NEURL1: variants seen among roughly 807,000 people sequenced by gnomAD.
The protein encoded by NEURL1 is neuralized E3 ubiquitin protein ligase 1.
In NEURL1, 26 loss-of-function variants were observed where a neutral mutation model predicts 41.2. The observed-to-expected ratio is 0.63, with a 90% CI of 0.46 to 0.87. The LOEUF (loss-of-function observed/expected upper bound fraction) is 0.87, where lower values mean the gene tolerates loss of function less well. NEURL1 is among the 40% of genes least tolerant of loss of function. NEURL1 has a pLI of 0.00. For synonymous variants in NEURL1, 400 were observed against 402.3 expected (o/e 0.99, Z 0.07); for missense variants, 761 against 871.1 (o/e 0.87, Z 1.59).
Position 103,590,170 on chromosome 10 carries a change from C to G in NEURL1, c.1523C>G (p.Ser508Trp). 6.2e-7 allele frequency: 1 copy of G among 1,614,170 alleles called. No homozygotes were observed. Among genetic ancestry groups the G allele is most frequent in the Non-Finnish European group, 8.5e-7 (1 of 1,180,054 alleles). Residue 508 changes from serine to tryptophan, a missense_variant, in exon 6 of 6, where the codon TCG becomes TGG. By Grantham distance (177) the Ser-to-Trp change is radical (BLOSUM62 -3). This residue lies in a region of NEURL1 where 443 missense variants were observed against 408.1 expected (regional missense o/e 1.09). Transcript: ENST00000369780. ...APNSPVSLPESPVTPGLGQWS... is the reference protein window; with the variant it reads ...APNSPVSLPEWPVTPGLGQWS... Reference sequence around the variant, plus strand: ...AATTCGCCAGTGAGCCTGCCCGAGTCGCCAGTGACCCCAGGTCTGGGCCAG... The same window carrying G: ...AATTCGCCAGTGAGCCTGCCCGAGTGGCCAGTGACCCCAGGTCTGGGCCAG...
At chr10:103,536,178 C>G (rs1335506226) in intron 1 of NEURL1, among the ~76,000 whole-genome samples, 2 of 152,160 alleles carry the variant, frequency 1.3e-5, no homozygotes, top group East Asian at 3.8e-4. Flanking sequence ...CTTCTGTTCT[C>G]TGTGTAGCCA....
chr10:103,584,659 C>T lies in NEURL1; in HGVS notation c.773C>T (p.Pro258Leu). The T allele has an allele frequency of 2.1e-6, 3 of 1,424,328 alleles. No individual in the cohort carries two copies. Among genetic ancestry groups the T allele is most frequent in the East Asian group, 3.0e-5 (1 of 33,392 alleles). The allele number at this position is 1,424,328 out of a possible 1,614,324, so 88.2% of individuals were successfully genotyped here. A position where few individuals can be genotyped will look rare whatever the true frequency, so the allele number is the denominator to read the frequency against. ...LSVSLCDLNVPGADGDEAAPA... is the reference protein window; with the variant it reads ...LSVSLCDLNVLGADGDEAAPA... ...GTGAGCCTATGCGACCTCAACGTGC[C>T]GGGCGCGGACGGCGACGAGGCCGCG... Residue 258 changes from proline to leucine, a missense_variant, in exon 4 of 6, where the codon CCG becomes CTG. By Grantham distance (98) the Pro-to-Leu change is moderately conservative. Around this residue, in one of 5 missense-constraint regions of NEURL1, gnomAD observed 443 missense variants for 408.1 expected, o/e 1.09. Transcript: ENST00000369780.
chr10:103,547,404 G>A (rs1379718673), intron 1 of NEURL1, among the ~76,000 whole-genome samples: 1 of 152,236 alleles, frequency 6.6e-6, no homozygotes, highest in African/African-American at 2.4e-5. Context: ...CCCAGTATCT[G>A]AGCCCAAAGG....
At chr10:103,568,256 T>C (rs897468376) in intron 1 of NEURL1, among the ~76,000 whole-genome samples, 1 of 152,174 alleles carries the variant, frequency 6.6e-6, no homozygotes, top group African/African-American at 2.4e-5. Flanking sequence ...TACCCAACAC[T>C]GGGATTGGCA....
chr10:103,559,179 G>T (rs1477635462), intron 1 of NEURL1, among the ~76,000 whole-genome samples: 2 of 152,184 alleles, frequency 1.3e-5, no homozygotes, highest in Non-Finnish European at 1.5e-5. Context: ...CAGTGGCCTT[G>T]TGAAACCCAA....
At chr10:103,565,805 C>T (rs549185705) in intron 1 of NEURL1, among the ~76,000 whole-genome samples, 2 of 152,094 alleles carry the variant, frequency 1.3e-5, no homozygotes, top group African/African-American at 2.4e-5. Context: ...TGTACACCAC[C>T]ATGTCTGGCT....
chr10:103,561,858 A>C (rs2035300263), intron 1 of NEURL1, among the ~76,000 whole-genome samples: 1 of 152,320 alleles, frequency 6.6e-6, no homozygotes, highest in East Asian at 1.9e-4. Flanking sequence ...GTTCTTGAGC[A>C]GGCAGGGCTG....
At chr10:103,550,158 AGGCCT>A (rs1209759298) in intron 1 of NEURL1, among the ~76,000 whole-genome samples, 2 of 152,206 alleles carry the variant, frequency 1.3e-5, no homozygotes, top group African/African-American at 4.8e-5. Context: ...ATGAGGTGCT[AGGCCT>A]TGGGGAACCT....
At chr10:103,502,419 C>T (rs1394246469) in intron 1 of NEURL1, among the ~76,000 whole-genome samples, 1 of 152,184 alleles carries the variant, frequency 6.6e-6, no homozygotes, top group Admixed American at 6.5e-5. Flanking sequence ...CAGGTGGCTC[C>T]TTCTTGCTGT....
rs944852346 is a variant in NEURL1 at position 103,494,055 on chromosome 10, C to A, written c.-333C>A. 4.6e-6 allele frequency: 1 copy of A among 216,936 alleles called. No homozygotes were observed. Among genetic ancestry groups the A allele is most frequent in the Non-Finnish European group, 9.0e-6 (1 of 111,000 alleles). 13.4% of individuals were successfully genotyped at this position (216,936 alleles called of 1,614,324 possible). On this transcript the variant is annotated 5_prime_UTR_variant, in exon 1 of 6. Coordinates refer to ENST00000369780, the MANE Select transcript of NEURL1 (RefSeq NM_004210.5). ...GAGCCGCCGCGCCGCCCACCCCCAGCCGGAACCCTAGCGTCCCGGGGAGCA... is the reference window on the plus strand; with the variant it reads ...GAGCCGCCGCGCCGCCCACCCCCAGACGGAACCCTAGCGTCCCGGGGAGCA...
At chr10:103,512,470 T>C (rs1050745821) in intron 1 of NEURL1, among the ~76,000 whole-genome samples, 2 of 152,212 alleles carry the variant, frequency 1.3e-5, no homozygotes, top group Non-Finnish European at 2.9e-5. Flanking sequence ...GGCAGGGCAC[T>C]TCTCTGTCCC....
intron 3 of NEURL1, among the ~76,000 whole-genome samples, chr10:103,579,969 A>T (rs759905057): frequency 1.3e-5 from 2 of 152,124 alleles, no homozygotes; most frequent in African/African-American, 2.4e-5. Flanking sequence ...AATAAAAAAA[A>T]CATGTCCTGC....
At position 103,585,047 on chromosome 10, in the gene NEURL1, C is replaced by T; in HGVS notation, c.1161C>T (p.Cys387=). 1 of 1,588,458 alleles carries T rather than the reference C, an allele frequency of 6.3e-7. No homozygotes were observed. Among genetic ancestry groups the T allele is most frequent in the Non-Finnish European group, 8.5e-7 (1 of 1,175,442 alleles). Residue 387 remains cysteine (C), a synonymous_variant, in exon 4 of 6, where the codon TGC becomes TGT. Coordinates refer to ENST00000369780, the MANE Select transcript of NEURL1 (RefSeq NM_004210.5). ...ACCGCAAGGAATTCTGGGCCGTGTG[C>T]CGCGTGCCCGGGCCCCTGCACAGCG... ...LVDRKEFWAV[C]RVPGPLHSGD...
chr10:103,543,923 G>A (rs1313310784), intron 1 of NEURL1, among the ~76,000 whole-genome samples: 2 of 152,192 alleles, frequency 1.3e-5, no homozygotes, highest in Admixed American at 6.5e-5. Context: ...CATGGGGTGG[G>A]GTAGGGGGGG....
intron 1 of NEURL1, among the ~76,000 whole-genome samples, chr10:103,528,499 C>T (rs965217124): frequency 1.1e-4 from 17 of 148,658 alleles, no homozygotes; most frequent in African/African-American, 3.0e-4. Context: ...AGTGCCACTG[C>T]ACTCCAGCCT....
intron 1 of NEURL1, among the ~76,000 whole-genome samples, chr10:103,495,132 C>T (rs2033652481): frequency 6.6e-6 from 1 of 152,238 alleles, no homozygotes; most frequent in Non-Finnish European, 1.5e-5. Context: ...TCCCCAGATC[C>T]ACTCAGCACC....
rs538764421 is a variant in NEURL1 at position 103,526,657 on chromosome 10, G to A, written c.85+32185G>A. ...CTCCCAAGGAGCTGGGATTACAGGT[G>A]CGTACCACCATGCCCGGGTAATTTT... On this transcript the variant is annotated intron_variant, in intron 1 of 5. Transcript: ENST00000369780. Among the ~76,000 whole-genome samples the A allele has an allele frequency of 6.6e-5, 10 of 151,898 alleles. No individual in the cohort carries two copies. The South Asian group carries it at 8.4e-4, about 13-fold the overall frequency.
intron 1 of NEURL1, among the ~76,000 whole-genome samples, chr10:103,544,019 C>G (rs2034875573): frequency 6.6e-6 from 1 of 152,294 alleles, no homozygotes; most frequent in African/African-American, 2.4e-5. Context: ...CGAGTTTATC[C>G]TGATGCTCGG....
intron 1 of NEURL1, chr10:103,555,293 G>C: frequency 8.2e-7 from 1 of 1,218,004 alleles, no homozygotes; most frequent in Non-Finnish European, 1.1e-6. Context: ...GAGGAGACGG[G>C]GGAGGAGGAG....
Sources: gnomAD v4.1 joint callset for allele counts (sites outside exome capture counted in the v4.1 genomes callset) on GRCh38, gnomAD v4.1.1 for gene constraint, gnomAD v4.1.1 regional missense constraint, MANE v1.5 for transcripts, NCBI Gene and HGNC (gene_info 2026-07-23, HGNC 2026-07-21) for gene names.